FBXO34: variants seen among roughly 807,000 people sequenced by gnomAD.
FBXO34 encodes F-box only protein 34.
In FBXO34, 12 loss-of-function variants were observed where a neutral mutation model predicts 24.5. That is an observed-to-expected ratio of 0.49 (90% CI 0.31 to 0.79). FBXO34 has a LOEUF of 0.79. Among genes scored for constraint, FBXO34 ranks in the 30% least tolerant of loss-of-function variants. The pLI, the probability that FBXO34 is intolerant of heterozygous loss-of-function variation, is 0.04. For missense variants in FBXO34, 823 were observed against 857.7 expected, an observed-to-expected ratio of 0.96 and a Z score of 0.51; for synonymous variants, 320 against 311.9, an observed-to-expected ratio of 1.03 and a Z score of -0.27.
At chr14:55,389,884 G>C in the FBXO34 span, among the ~76,000 whole-genome samples, 1 of 151,820 alleles carries the variant, frequency 6.6e-6, no homozygotes, top group Non-Finnish European at 1.5e-5. Flanking sequence ...TTTTGACAAC[G>C]ATCTATGATA....
intron 1 of FBXO34, among the ~76,000 whole-genome samples, chr14:55,331,311 C>G (rs1397317824): frequency 6.6e-6 from 1 of 152,010 alleles, no homozygotes; most frequent in Non-Finnish European, 1.5e-5. Context: ...TCCTATGCCA[C>G]TCTCATCCTC....
chr14:55,428,156 G>A, the FBXO34 span, among the ~76,000 whole-genome samples: 4 of 53,818 alleles, frequency 7.4e-5, no homozygotes, highest in African/African-American at 2.0e-4. Context: ...TTGAGACGGA[G>A]TCTCGCTCTG....
chr14:55,349,607 C>CT (rs57284715), intron 1 of FBXO34, among the ~76,000 whole-genome samples: 17,393 of 116,462 alleles, frequency 0.15, 4,017 homozygotes, highest in African/African-American at 0.49. Context: ...CAATAATTTT[C>CT]TTTTTTTTTT....
At chr14:55,408,087 T>C in the FBXO34 span, among the ~76,000 whole-genome samples, 3 of 152,208 alleles carry the variant, frequency 2.0e-5, no homozygotes, top group African/African-American at 7.2e-5. Context: ...GCATGCTTTA[T>C]GTAATCACTA....
the FBXO34 span, among the ~76,000 whole-genome samples, chr14:55,397,736 G>C: frequency 1.3e-5 from 2 of 152,228 alleles, 1 homozygote; most frequent in African/African-American, 4.8e-5. Context: ...AAGTGAATTT[G>C]AATTCAAGGA....
the FBXO34 span, chr14:55,377,856 T>C: frequency 6.2e-7 from 1 of 1,602,774 alleles, no homozygotes; most frequent in South Asian, 1.1e-5. Flanking sequence ...ACCAGGTACA[T>C]TAGATTCCTG....
chr14:55,441,466 T>C, the FBXO34 span, among the ~76,000 whole-genome samples: 1 of 152,162 alleles, frequency 6.6e-6, no homozygotes, highest in Non-Finnish European at 1.5e-5. Flanking sequence ...AGGGATGTTT[T>C]TTTTCTCTTG....
intron 1 of FBXO34, among the ~76,000 whole-genome samples, chr14:55,293,224 G>T (rs934313277): frequency 6.6e-6 from 1 of 152,022 alleles, no homozygotes; most frequent in Non-Finnish European, 1.5e-5. Context: ...TGCCACCCAG[G>T]CTGTGGTGCA....
chr14:55,319,094 A>G (rs1429992029), intron 1 of FBXO34, among the ~76,000 whole-genome samples: 3 of 152,196 alleles, frequency 2.0e-5, no homozygotes, highest in African/African-American at 4.8e-5. Context: ...AAATTTGCCT[A>G]TTATTCCTAT....
the FBXO34 span, among the ~76,000 whole-genome samples, chr14:55,412,185 G>A: frequency 6.6e-6 from 1 of 152,188 alleles, no homozygotes; most frequent in Non-Finnish European, 1.5e-5. Context: ...TGCTGTGGAT[G>A]CTTTAAAATC....
intron 1 of FBXO34, among the ~76,000 whole-genome samples, chr14:55,346,838 C>T (rs1884175435): frequency 1.3e-5 from 2 of 152,056 alleles, no homozygotes; most frequent in South Asian, 2.1e-4. Context: ...GTGTTTTTAC[C>T]CAGCCCTTAG....
the FBXO34 span, among the ~76,000 whole-genome samples, chr14:55,412,413 A>C: frequency 6.6e-6 from 1 of 152,312 alleles, no homozygotes; most frequent in African/African-American, 2.4e-5. Flanking sequence ...CAATAGTGAA[A>C]ACAACCAAAG....
chr14:55,309,678 G>A (rs1882670244), intron 1 of FBXO34, among the ~76,000 whole-genome samples: 1 of 152,146 alleles, frequency 6.6e-6, no homozygotes, highest in African/African-American at 2.4e-5. Flanking sequence ...GAGTTTTTGT[G>A]TGTCTGTTTT....
In FBXO34 at chr14:55,284,593, G is replaced by T. The variant is rs80205429; in HGVS notation, c.-11+13056G>T. Among the ~76,000 whole-genome samples the T allele has an allele frequency of 3.4e-3, 494 of 145,312 alleles. 32 individuals are homozygous for T. Among genetic ancestry groups the T allele is most frequent in the Non-Finnish European group, 6.1e-3 (401 of 65,726 alleles). On this transcript the variant is annotated intron_variant, in intron 1 of 1. Transcript: ENST00000313833. ...CAGGGACCTAGCCTCTGGATTTTGA[G>T]TGTTTGTGGTTACCTAAAATTTTGT...
the FBXO34 span, chr14:55,395,086 T>A: frequency 2.0e-6 from 1 of 504,180 alleles, no homozygotes; most frequent in South Asian, 1.5e-5. Context: ...TGTTTGCACT[T>A]TTTTGTCTGA....
intron 1 of FBXO34, among the ~76,000 whole-genome samples, chr14:55,332,083 AATATAT>A (rs200958593): frequency 6.0e-5 from 5 of 83,838 alleles, no homozygotes; most frequent in African/African-American, 1.8e-4. Flanking sequence ...GGTATGTATA[AATATAT>A]ATATATATTT....
At chr14:55,280,046 C>T (rs1327392744) in intron 1 of FBXO34, among the ~76,000 whole-genome samples, 1 of 152,056 alleles carries the variant, frequency 6.6e-6, no homozygotes, top group Admixed American at 6.6e-5. Context: ...GTGGATTAGT[C>T]CATTGGATTG....
At chr14:55,371,575 G>A (rs578195398), downstream of FBXO34, among the ~76,000 whole-genome samples, 1 of 152,012 alleles carries the variant, frequency 6.6e-6, no homozygotes, top group African/African-American at 2.4e-5. Context: ...GGGAGGCTGC[G>A]GCGGGCAGAT....
downstream of FBXO34, among the ~76,000 whole-genome samples, chr14:55,354,246 A>G (rs1178072807): frequency 6.6e-6 from 1 of 152,242 alleles, no homozygotes; most frequent in Non-Finnish European, 1.5e-5. Flanking sequence ...AAATGCTTCT[A>G]AATCCTAGCT....
Sources: allele counts gnomAD v4.1 joint callset (sites outside exome capture counted in the v4.1 genomes callset), GRCh38; gene constraint gnomAD v4.1.1; transcripts MANE v1.5; gene names NCBI Gene and HGNC (gene_info 2026-07-23, HGNC 2026-07-21).